Variants in NBEA observed in about 807,000 individuals in gnomAD.
NBEA encodes neurobeachin, also known as lysosomal-trafficking regulator 2.
In NBEA, 44 loss-of-function variants were observed where a neutral mutation model predicts 343.4. The observed-to-expected ratio is 0.13, with a 90% CI of 0.10 to 0.16. NBEA has a LOEUF of 0.16. Among genes scored for constraint, NBEA ranks in the 10% least tolerant of loss-of-function variants. The pLI is 1.00. For synonymous variants in NBEA, 1,175 were observed against 1,238.7 expected, an observed-to-expected ratio of 0.95 and a Z score of 1.08; for missense variants, 2,555 against 3,631.3, an observed-to-expected ratio of 0.70 and a Z score of 7.62.
chr13:35,518,649 C>T (rs1056325181), intron 41 of NBEA, among the ~76,000 whole-genome samples: 4 of 152,168 alleles, frequency 2.6e-5, no homozygotes. Context: ...GGAAAGCATA[C>T]CCCCTGCAGT....
chr13:35,329,709 T>A (rs1442954730), intron 36 of NBEA, among the ~76,000 whole-genome samples: 1 of 151,978 alleles, frequency 6.6e-6, no homozygotes, highest in Non-Finnish European at 1.5e-5. Flanking sequence ...AAAAGAACAT[T>A]TTGGGGTGAG....
chr13:35,284,451 T>C (rs2035282376), intron 34 of NBEA, among the ~76,000 whole-genome samples: 1 of 152,150 alleles, frequency 6.6e-6, no homozygotes, highest in Non-Finnish European at 1.5e-5. Context: ...GTCAAAAAAA[T>C]GAATTTTATT....
chr13:35,114,099 T>C (rs1048758636), intron 13 of NBEA, among the ~76,000 whole-genome samples: 3 of 152,236 alleles, frequency 2.0e-5, no homozygotes, highest in African/African-American at 7.2e-5. Context: ...ATATGGTTTT[T>C]AGAAACCAAG....
chr13:35,446,165 C>T (rs1410250722), intron 39 of NBEA, among the ~76,000 whole-genome samples: 3 of 152,058 alleles, frequency 2.0e-5, no homozygotes, highest in Admixed American at 6.5e-5. Context: ...TTTATGGCTG[C>T]ATAGTATTCC....
chr13:35,352,132 A>G lies in NBEA; in HGVS notation c.6013-25A>G, dbSNP rs767758629. 2.7e-5 allele frequency: 37 copies of G among 1,362,536 alleles called. No individual in the cohort carries two copies. In the African/African-American group the frequency reaches 5.0e-4, roughly 18 times the overall value. 84.4% of individuals were successfully genotyped at this position (1,362,536 alleles called of 1,614,324 possible). On this transcript the variant is annotated intron_variant, in intron 37 of 58. Transcript: ENST00000379939. ...TATATGCAGTAAAAAGTTTATTATT[A>G]TGCATCATTTGTATTTCTTTATAGT...
At chr13:35,328,029 G>A (rs2038689005) in intron 36 of NBEA, among the ~76,000 whole-genome samples, 1 of 151,802 alleles carries the variant, frequency 6.6e-6, no homozygotes, top group Non-Finnish European at 1.5e-5. Context: ...TGCTTTCCTT[G>A]TGGATCTAAA....
intron 18 of NBEA, among the ~76,000 whole-genome samples, chr13:35,149,060 T>C (rs983110153): frequency 6.6e-6 from 1 of 152,236 alleles, no homozygotes; most frequent in African/African-American, 2.4e-5. Flanking sequence ...CTGAATTGTT[T>C]GTTTGTTTGT....
At position 35,109,374 on chromosome 13, in the gene NBEA, C is replaced by T. The variant is rs1448342427; in HGVS notation, c.1765C>T (p.Pro589Ser). The change falls in exon 12 of 59, where the codon CCT (proline) becomes TCT (serine). Residue 589 changes from proline to serine, a missense_variant. Pro to Ser is a moderately conservative substitution (Grantham distance 74). Coordinates refer to ENST00000379939, the MANE Select transcript of NBEA (RefSeq NM_001385012.1). ...CCTTGATGGTTTATCTCATGGAGCACCTTTGCTGAAGCAGCTTTGTGATCA... is the reference window on the plus strand; with the variant it reads ...CCTTGATGGTTTATCTCATGGAGCATCTTTGCTGAAGCAGCTTTGTGATCA... ...KYLDGLSHGA[P>S]LLKQLCDHIL... 1 of 1,612,444 alleles carries T rather than the reference C, an allele frequency of 6.2e-7. No individual in the cohort carries two copies. The highest frequency in any genetic ancestry group is 1.3e-5 in the African/African-American group (1 of 74,966).
chr13:35,063,112 G>A (rs2063522822), intron 8 of NBEA, among the ~76,000 whole-genome samples: 1 of 151,884 alleles, frequency 6.6e-6, no homozygotes, highest in Non-Finnish European at 1.5e-5. Flanking sequence ...TCAGTTGAAA[G>A]GAAAAACAAA....
chr13:35,451,964 G>A (rs556814601), intron 39 of NBEA, 128 bp from the exon 40 acceptor site: 9 of 713,948 alleles, frequency 1.3e-5, no homozygotes, highest in African/African-American at 7.2e-5. Flanking sequence ...AGGTTAAAAT[G>A]TTCTGTAATT....
intron 1 of NBEA, among the ~76,000 whole-genome samples, chr13:34,975,746 A>T (rs1233435774): frequency 6.6e-6 from 1 of 152,142 alleles, no homozygotes; most frequent in East Asian, 1.9e-4. Context: ...AAAAAATCCC[A>T]TCAAAAAGTG....
chr13:35,452,957 A>G (rs1170379450), intron 40 of NBEA, among the ~76,000 whole-genome samples: 1 of 152,242 alleles, frequency 6.6e-6, no homozygotes, highest in East Asian at 1.9e-4. Flanking sequence ...CCATGGAATC[A>G]TATCCTCAAC....
At chr13:35,304,479 G>A (rs568658587) in intron 35 of NBEA, among the ~76,000 whole-genome samples, 3 of 151,932 alleles carry the variant, frequency 2.0e-5, no homozygotes, top group Non-Finnish European at 4.4e-5. Context: ...TCAGCCTCCC[G>A]AGTAGCTGGG....
chr13:35,385,908 C>T (rs139783863), intron 38 of NBEA, among the ~76,000 whole-genome samples: 2 of 152,208 alleles, frequency 1.3e-5, no homozygotes, highest in Non-Finnish European at 2.9e-5. Context: ...CACTGATTTA[C>T]ATTGTTTCCC....
chr13:34,985,889 T>C lies in NBEA; in HGVS notation c.294+42775T>C, dbSNP rs2060526479. 3.3e-5 allele frequency among the ~76,000 whole-genome samples: 5 copies of C among 150,992 alleles called. No individual in the cohort carries two copies. The South Asian group carries it at 1.1e-3, about 32-fold the overall frequency. On this transcript the variant is annotated intron_variant, in intron 1 of 58. Transcript: ENST00000379939. The stretch of plus-strand genomic sequence containing the variant: ...GTGGGATCAGTGGTGATATCCCCTT[T>C]ACTATTTTTTATTGCATTTATTTGA...
At position 35,634,383 on chromosome 13, in the gene NBEA, T is replaced by A. The variant is rs184182137; in HGVS notation, c.7617+6135T>A. Among the ~76,000 whole-genome samples the A allele has an allele frequency of 9.8e-5, 15 of 152,318 alleles. No homozygotes were observed. In the East Asian group the frequency reaches 2.7e-3, roughly 27 times the overall value. ...TAGTGTCATTAGTTTTGTATTCATATTATCAAATGAATTAGCAACACTATT... is the reference window on the plus strand; with the variant it reads ...TAGTGTCATTAGTTTTGTATTCATAATATCAAATGAATTAGCAACACTATT... On this transcript the variant is annotated intron_variant, in intron 49 of 58. Coordinates refer to ENST00000379939, the MANE Select transcript of NBEA (RefSeq NM_001385012.1).
intron 12 of NBEA, among the ~76,000 whole-genome samples, chr13:35,109,901 A>T (rs903190955): frequency 6.6e-6 from 1 of 151,850 alleles, no homozygotes. Flanking sequence ...TTATTGTTTT[A>T]TATACAAGGA....
intron 38 of NBEA, among the ~76,000 whole-genome samples, chr13:35,355,705 A>T (rs1387071591): frequency 6.6e-6 from 1 of 151,984 alleles, no homozygotes; most frequent in Admixed American, 6.6e-5. Flanking sequence ...TTTTTGTTCT[A>T]GTCACCCTGG....
At chr13:34,965,798 A>G (rs1399365520) in intron 1 of NBEA, among the ~76,000 whole-genome samples, 1 of 152,022 alleles carries the variant, frequency 6.6e-6, no homozygotes, top group Non-Finnish European at 1.5e-5. Flanking sequence ...TTAAATGTGT[A>G]TATTTATTTA....
Sources: gnomAD v4.1 joint callset for allele counts (sites outside exome capture counted in the v4.1 genomes callset) on GRCh38, gnomAD v4.1.1 for gene constraint, MANE v1.5 for transcripts, NCBI Gene and HGNC (gene_info 2026-07-23, HGNC 2026-07-21) for gene names.